SEC31A: variants seen among roughly 807,000 people sequenced by gnomAD.
The protein encoded by SEC31A is protein transport protein Sec31A.
In SEC31A, 70 loss-of-function variants were observed where a neutral mutation model predicts 151.0. The observed-to-expected ratio is 0.46, with a 90% CI of 0.38 to 0.57. The LOEUF (loss-of-function observed/expected upper bound fraction) is 0.57. SEC31A is among the 20% of genes least tolerant of loss of function. The probability of loss-of-function intolerance (pLI) is 0.00; values close to 1 mark genes in which losing one functional copy is unlikely to be tolerated. For synonymous variants in SEC31A, 475 were observed against 505.9 expected (o/e 0.94, Z 0.82); for missense variants, 1,330 against 1,471.2 (o/e 0.90, Z 1.57).
At chr4:82,892,742 G>T (rs191639443), upstream of SEC31A, among the ~76,000 whole-genome samples, 1,027 of 152,098 alleles carry the variant, frequency 6.8e-3, 8 homozygotes, top group South Asian at 0.037. Flanking sequence ...TTTTTGGGGG[G>T]GGGGGCACAA....
rs752292113 is a variant in SEC31A at position 82,842,762 on chromosome 4, TGA to T, written c.2627-283_2627-282del. The T allele has an allele frequency of 6.1e-5, 18 of 293,362 alleles. No individual in the cohort carries two copies. In the East Asian group the frequency reaches 7.8e-4, roughly 13 times the overall value. 18.2% of individuals were successfully genotyped at this position (293,362 alleles called of 1,614,324 possible). ...AAGAACTGCAAGACTGACCCTTTTC[TGA>T]GACTTTTCCTGATCCTGTGAAGAGA... On this transcript the variant is annotated intron_variant, in intron 21 of 26. Coordinates refer to ENST00000395310, the MANE Select transcript of SEC31A (RefSeq NM_001077207.4).
At chr4:82,851,300 C>A (rs574235828) in intron 19 of SEC31A, 131 bp downstream of exon 19, 3 of 650,260 alleles carry the variant, frequency 4.6e-6, no homozygotes, top group Admixed American at 6.3e-5. Context: ...ATAACATTTA[C>A]CTGCAGTCAG....
At chr4:82,866,602 T>C (rs1269860818) in intron 10 of SEC31A, among the ~76,000 whole-genome samples, 3 of 152,208 alleles carry the variant, frequency 2.0e-5, no homozygotes, top group East Asian at 3.8e-4. Flanking sequence ...CAATTTTATG[T>C]ATATTTTACC....
chr4:82,851,257 G>C (rs1731389041), intron 19 of SEC31A, among the ~76,000 whole-genome samples, 174 bp downstream of exon 19: 2 of 152,150 alleles, frequency 1.3e-5, no homozygotes, highest in Admixed American at 6.5e-5. Flanking sequence ...ACACAGCTTA[G>C]ATACACCTAA....
chr4:82,821,548 CAAAAAAAAAAAA>C, intron 25 of SEC31A: 1 of 66,282 alleles, frequency 1.5e-5, no homozygotes, highest in South Asian at 9.4e-4. Flanking sequence ...GACTCCGTCT[CAAAAAAAAAAAA>C]AAAAAAAAAA....
intron 25 of SEC31A, among the ~76,000 whole-genome samples, chr4:82,823,058 G>C (rs1476872247): frequency 2.0e-5 from 3 of 152,306 alleles, no homozygotes; most frequent in Non-Finnish European, 4.4e-5. Flanking sequence ...GGACAGGCAG[G>C]ATATTAGAAC....
At chr4:82,827,225 C>T (rs977472415) in intron 24 of SEC31A, 144 bp downstream of exon 24, 21 of 880,018 alleles carry the variant, frequency 2.4e-5, no homozygotes, top group Middle Eastern at 3.5e-4. Context: ...CATACATGAT[C>T]GATCTTAAAA....
chr4:82,820,507 G>C (rs1723094892), intron 26 of SEC31A, among the ~76,000 whole-genome samples: 1 of 152,102 alleles, frequency 6.6e-6, no homozygotes, highest in Non-Finnish European at 1.5e-5. Context: ...AGAATGGTGA[G>C]GTGGGGACAA....
At chr4:82,854,517 A>G (rs886900990) in intron 17 of SEC31A, among the ~76,000 whole-genome samples, 1 of 152,110 alleles carries the variant, frequency 6.6e-6, no homozygotes, top group Admixed American at 6.5e-5. Flanking sequence ...ATGGCCTATA[A>G]TGGTAATTTC....
intron 26 of SEC31A, among the ~76,000 whole-genome samples, chr4:82,819,951 G>A (rs1722955123): frequency 6.6e-6 from 1 of 151,808 alleles, no homozygotes; most frequent in Admixed American, 6.6e-5. Flanking sequence ...TAGTAGAGAC[G>A]GGGTTTTGCC....
chr4:82,822,402 G>A (rs1000608937), intron 25 of SEC31A, among the ~76,000 whole-genome samples: 4 of 152,164 alleles, frequency 2.6e-5, no homozygotes, highest in African/African-American at 9.7e-5. Context: ...AACAAACAAT[G>A]CAGATATGTG....
Position 82,881,861 on chromosome 4 carries a change from T to C in SEC31A, c.76A>G (p.Thr26Ala), listed in dbSNP as rs888025963. 6.2e-7 allele frequency: 1 copy of C among 1,610,478 alleles called. No homozygotes were observed. Among genetic ancestry groups the C allele is most frequent in the African/African-American group, 1.3e-5 (1 of 74,858 alleles). Reference sequence around the variant, plus strand: ...ATCTTCTCTCCTTTGAACTTACCTGTTGCTAGGTAAATGGGGTGATTCTGG... The same window carrying C: ...ATCTTCTCTCCTTTGAACTTACCTGCTGCTAGGTAAATGGGGTGATTCTGG... Reference protein sequence around the residue: ...PAQNHPIYLATGTSAQQLDAT... With the variant: ...PAQNHPIYLAAGTSAQQLDAT... The change falls in exon 2 of 27, where the codon ACA becomes GCA. Residue 26 changes from threonine to alanine, a missense_variant. Transcript: ENST00000395310.
chr4:82,888,644 G>A (rs957330180), intron 1 of SEC31A, among the ~76,000 whole-genome samples: 2 of 151,404 alleles, frequency 1.3e-5, no homozygotes, highest in African/African-American at 4.9e-5. Flanking sequence ...AGCCGAGATC[G>A]CGCCAATGTA....
chr4:82,836,387 A>G (rs572419831), intron 22 of SEC31A, among the ~76,000 whole-genome samples: 6 of 151,538 alleles, frequency 4.0e-5, no homozygotes, highest in South Asian at 2.1e-4. Context: ...AAAAAAAAAA[A>G]AAAAAGAAAA....
At chr4:82,836,458 C>T (rs1727329382) in intron 22 of SEC31A, among the ~76,000 whole-genome samples, 1 of 151,420 alleles carries the variant, frequency 6.6e-6, no homozygotes, top group Admixed American at 6.6e-5. Context: ...CAGCATTATT[C>T]ACAATAGACA....
intron 14 of SEC31A, among the ~76,000 whole-genome samples, chr4:82,860,929 A>G (rs1733996435): frequency 6.6e-6 from 1 of 152,156 alleles, no homozygotes; most frequent in Non-Finnish European, 1.5e-5. Flanking sequence ...AAAATTATAC[A>G]TAACATTCCA....
At chr4:82,842,723 G>T in intron 21 of SEC31A, 1 of 438,496 alleles carries the variant, frequency 2.3e-6, no homozygotes, top group Non-Finnish European at 4.1e-6. Flanking sequence ...GAAAATATTT[G>T]AATCATCAGA....
intron 20 of SEC31A, 59 bp from the exon 21 acceptor site, chr4:82,844,568 A>G (rs147587087): frequency 5.2e-5 from 79 of 1,515,878 alleles, no homozygotes; most frequent in Non-Finnish European, 6.9e-5. Context: ...ACTTCACCAG[A>G]TGGAATTACA....
intron 20 of SEC31A, chr4:82,845,296 G>C (rs1377605722): frequency 6.9e-7 from 1 of 1,456,404 alleles, no homozygotes; most frequent in East Asian, 2.6e-5. Flanking sequence ...ATTCTAACCT[G>C]AATTGAACAA....
Sources: gnomAD v4.1 joint callset for allele counts (sites outside exome capture counted in the v4.1 genomes callset) on GRCh38, gnomAD v4.1.1 for gene constraint, MANE v1.5 for transcripts, NCBI Gene and HGNC (gene_info 2026-07-23, HGNC 2026-07-21) for gene names.